Variants in MYO9A observed in about 807,000 individuals in gnomAD.
MYO9A encodes the protein unconventional myosin-IXa.
In MYO9A, 103 loss-of-function variants were observed where a neutral mutation model predicts 293.3. That is an observed-to-expected ratio of 0.35 (90% CI 0.30 to 0.41). MYO9A has a LOEUF of 0.41. MYO9A is among the 10% of genes least tolerant of loss of function. The pLI is 1.00. For missense variants in MYO9A, 2,685 were observed against 3,033.0 expected (o/e 0.89, Z 2.69); for synonymous variants, 1,001 against 1,035.7 (o/e 0.97, Z 0.64).
chr15:72,070,248 C>A (rs2079148371), intron 1 of MYO9A, among the ~76,000 whole-genome samples: 1 of 151,698 alleles, frequency 6.6e-6, no homozygotes, highest in Admixed American at 6.6e-5. Context: ...TCGAGACCAG[C>A]CTGGCCAACA....
intron 19 of MYO9A, among the ~76,000 whole-genome samples, chr15:71,909,389 T>C (rs987136730): frequency 2.6e-5 from 4 of 152,242 alleles, no homozygotes; most frequent in Non-Finnish European, 2.9e-5. Flanking sequence ...GTGTTCCTGT[T>C]GCTCCACATT....
intron 18 of MYO9A, among the ~76,000 whole-genome samples, chr15:71,917,242 C>A (rs1336204735): frequency 1.3e-5 from 2 of 152,056 alleles, no homozygotes; most frequent in Admixed American, 1.3e-4. Flanking sequence ...GGGACATACA[C>A]AAAAACCAAG....
chr15:71,988,956 G>A (rs1356522754), intron 11 of MYO9A, among the ~76,000 whole-genome samples: 11 of 152,174 alleles, frequency 7.2e-5, no homozygotes, highest in South Asian at 2.1e-4. Context: ...GTACAGTGGC[G>A]CAATCTCGGC....
chr15:71,989,388 T>C (rs2148322099), intron 11 of MYO9A, among the ~76,000 whole-genome samples: 2 of 152,302 alleles, frequency 1.3e-5, no homozygotes, highest in Admixed American at 1.3e-4. Flanking sequence ...TGGCCCTCCA[T>C]ATCCTCGAGG....
rs559905821 is a variant in MYO9A, at chr15:71,850,263, A to G, written c.6582-96T>C. The G allele has an allele frequency of 2.3e-4, 326 of 1,425,858 alleles. 1 individual carries two copies. The South Asian group carries it at 3.0e-3, about 13-fold the overall frequency. 88.3% of individuals were successfully genotyped at this position (1,425,858 alleles called of 1,614,324 possible). On this transcript the variant is annotated intron_variant, in intron 37 of 41. Transcript: ENST00000356056. ...GAAGAGATGAGCAAAAGAAGACAGT[A>G]TGACATGAACTGCATAGTACTAGAA...
At chr15:71,855,547 A>C (rs1228647758) in intron 34 of MYO9A, among the ~76,000 whole-genome samples, 7 of 152,200 alleles carry the variant, frequency 4.6e-5, no homozygotes, top group African/African-American at 1.7e-4. Flanking sequence ...AATGGCAGGT[A>C]TTATCTCTGA....
rs1334941023 is a variant in MYO9A at position 72,024,740 on chromosome 15, T to C, written c.998+2991A>G. Reference sequence around the variant, plus strand: ...ACTACATACAAAGTTTGTTGTATACTATCAAAATTAAGTTGTCATTATTCC... The same window carrying C: ...ACTACATACAAAGTTTGTTGTATACCATCAAAATTAAGTTGTCATTATTCC... On this transcript the variant is annotated intron_variant, in intron 4 of 41. Transcript: ENST00000356056. Among the ~76,000 whole-genome samples the C allele has an allele frequency of 1.1e-4, 16 of 152,310 alleles. 1 individual carries two copies. The highest frequency in any genetic ancestry group is 9.8e-4 in the Admixed American group (15 of 15,296).
chr15:72,012,154 C>T (rs1194304841), intron 6 of MYO9A, among the ~76,000 whole-genome samples: 4 of 152,080 alleles, frequency 2.6e-5, no homozygotes, highest in Non-Finnish European at 4.4e-5. Flanking sequence ...ACATGGAAAG[C>T]TACACATGCA....
At chr15:72,099,591 C>A (rs1201018470) in intron 1 of MYO9A, among the ~76,000 whole-genome samples, 1 of 151,662 alleles carries the variant, frequency 6.6e-6, no homozygotes, top group Non-Finnish European at 1.5e-5. Context: ...AACAGCGAGA[C>A]CTTGTCTCAA....
At chr15:72,109,102 T>A (rs2080681652) in intron 1 of MYO9A, among the ~76,000 whole-genome samples, 1 of 151,938 alleles carries the variant, frequency 6.6e-6, no homozygotes, top group Non-Finnish European at 1.5e-5. Flanking sequence ...ATATATACAA[T>A]CACAGCCGGG....
intron 11 of MYO9A, among the ~76,000 whole-genome samples, chr15:71,982,771 G>A (rs1555497782): frequency 1.3e-5 from 2 of 152,110 alleles, no homozygotes; most frequent in Non-Finnish European, 2.9e-5. Flanking sequence ...CACTATGATG[G>A]TAAATATATT....
At chr15:72,053,458 A>G (rs1426459263) in intron 1 of MYO9A, among the ~76,000 whole-genome samples, 4 of 152,180 alleles carry the variant, frequency 2.6e-5, no homozygotes, top group African/African-American at 9.7e-5. Context: ...GCACATATAC[A>G]CCACGGAATA....
chr15:72,100,872 G>A (rs1246273119), intron 1 of MYO9A, among the ~76,000 whole-genome samples: 1 of 148,050 alleles, frequency 6.8e-6, no homozygotes, highest in African/African-American at 2.5e-5. Flanking sequence ...AGGGAGGTGG[G>A]GGGGGTCAGC....
chr15:71,862,451 CAG>C (rs2056175870), intron 33 of MYO9A, 47 bp downstream of exon 33: 1 of 1,404,648 alleles, frequency 7.1e-7, no homozygotes, highest in Non-Finnish European at 1.0e-6. Context: ...CTCAAGGAAA[CAG>C]AAATGTCAGT....
chr15:71,957,657 A>C (rs1596281143), intron 14 of MYO9A, among the ~76,000 whole-genome samples: 1 of 152,124 alleles, frequency 6.6e-6, no homozygotes, highest in East Asian at 1.9e-4. Context: ...ATAAACAAAC[A>C]GAAGTACATC....
At chr15:71,910,760 TATC>T (rs2057822367) in intron 19 of MYO9A, among the ~76,000 whole-genome samples, 1 of 152,222 alleles carries the variant, frequency 6.6e-6, no homozygotes, top group South Asian at 2.1e-4. Flanking sequence ...GCCTTCTGGA[TATC>T]ATCTTTTATA....
chr15:72,117,314 G>C lies in MYO9A; in HGVS notation c.-72+366C>G, dbSNP rs562353152. 3.9e-4 allele frequency: 60 copies of C among 153,128 alleles called. No individual in the cohort carries two copies. In the South Asian group the frequency reaches 8.3e-3, roughly 21 times the overall value. The allele number at this position is 153,128 out of a possible 1,614,324, so 9.5% of individuals were successfully genotyped here. On this transcript the variant is annotated intron_variant, in intron 1 of 41. Coordinates refer to ENST00000356056, the MANE Select transcript of MYO9A (RefSeq NM_006901.4). ...GGACGCAATGGGTTAGGGGGCGGTC[G>C]AGACTTTGCCTGAGAACTGTAATCA...
At chr15:71,896,779 T>TA (rs746633105) in intron 25 of MYO9A, 3,807 of 137,550 alleles carry the variant, frequency 0.028, 130 homozygotes, top group African/African-American at 0.086. Flanking sequence ...GACTCCATCT[T>TA]AAAAAAAAAA....
chr15:71,870,260 C>A (rs1188159441), intron 32 of MYO9A, among the ~76,000 whole-genome samples: 1 of 147,782 alleles, frequency 6.8e-6, no homozygotes, highest in Non-Finnish European at 1.5e-5. Context: ...AGTGGAAGCA[C>A]AAAGAAAGGA....
Sources: allele counts gnomAD v4.1 joint callset (sites outside exome capture counted in the v4.1 genomes callset), GRCh38; gene constraint gnomAD v4.1.1; transcripts MANE v1.5; gene names NCBI Gene and HGNC (gene_info 2026-07-23, HGNC 2026-07-21).